The following RABGAP1L variants were observed in gnomAD, a reference collection of about 807,000 sequenced individuals.
RABGAP1L encodes the protein RAB GTPase activating protein 1 like.
Under a neutral mutation model 137.7 loss-of-function variants are expected in RABGAP1L, and 63 were observed. The observed-to-expected ratio is 0.46, with a 90% CI of 0.37 to 0.56. The LOEUF is 0.56. RABGAP1L is among the 20% of genes least tolerant of loss of function. RABGAP1L has a pLI of 0.00. For missense variants in RABGAP1L, 1,095 were observed against 1,244.0 expected (o/e 0.88, Z 1.80); for synonymous variants, 431 against 433.7 (o/e 0.99, Z 0.08).
intron 6 of RABGAP1L, among the ~76,000 whole-genome samples, chr1:174,250,881 A>G (rs1337327181): frequency 6.6e-6 from 1 of 152,046 alleles, no homozygotes; most frequent in African/African-American, 2.4e-5. Context: ...ACTCACTGCC[A>G]TCTCTGCCTC....
intron 13 of RABGAP1L, among the ~76,000 whole-genome samples, chr1:174,416,381 C>G (rs1438148273): frequency 6.6e-6 from 1 of 151,998 alleles, no homozygotes; most frequent in Non-Finnish European, 1.5e-5. Flanking sequence ...CATTCTTTAA[C>G]TGCTTATGTC....
In RABGAP1L at chr1:174,587,210, T is replaced by C. The variant is rs539086217; in HGVS notation, c.1711-50165T>C. Among the ~76,000 whole-genome samples the C allele has an allele frequency of 9.4e-3, 1,380 of 146,562 alleles. 19 individuals are homozygous for C. Among genetic ancestry groups the C allele is most frequent in the African/African-American group, 0.033 (1,306 of 39,644 alleles). ...TGTGAATAATGCCGCAATAAACATATGTGTGCATGTGTCTTTATAGCAGCA... is the reference window on the plus strand; with the variant it reads ...TGTGAATAATGCCGCAATAAACATACGTGTGCATGTGTCTTTATAGCAGCA... On this transcript the variant is annotated intron_variant, in intron 13 of 25. Coordinates refer to ENST00000681986, the MANE Select transcript of RABGAP1L (RefSeq NM_001366446.1).
rs1685247222 is a variant in RABGAP1L at position 174,761,800 on chromosome 1, A to G, written c.2211+9446A>G. On this transcript the variant is annotated intron_variant, in intron 18 of 25. Coordinates refer to ENST00000681986, the MANE Select transcript of RABGAP1L (RefSeq NM_001366446.1). This position sits in a 1 kb window ranked among gnomAD's most constrained non-coding sequence, Gnocchi z 4.0. ...AATTACATTCCACCAAGTTCCTCCC[A>G]CAACACATGGGAATTGTGGGAGTTA... 6.6e-6 allele frequency among the ~76,000 whole-genome samples: 1 copy of G among 152,210 alleles called. No homozygotes were observed. The highest frequency in any genetic ancestry group is 6.5e-5 in the Admixed American group (1 of 15,284).
chr1:174,840,793 G>A (rs1435441420), intron 19 of RABGAP1L, among the ~76,000 whole-genome samples: 1 of 146,904 alleles, frequency 6.8e-6, no homozygotes, highest in Non-Finnish European at 1.5e-5. Flanking sequence ...TCCAGCCTGG[G>A]TGACAGAGTG....
At position 174,984,764 on chromosome 1, in the gene RABGAP1L, A is replaced by G. The variant is rs192618979; in HGVS notation, c.2805+1859A>G. On this transcript the variant is annotated intron_variant, in intron 24 of 25. Coordinates refer to ENST00000681986, the MANE Select transcript of RABGAP1L (RefSeq NM_001366446.1). ...CTCAAAAAAACAAAAAACAAACAAAAAAAGTGCTAAGTTGGATCACAATGA... is the reference window on the plus strand; with the variant it reads ...CTCAAAAAAACAAAAAACAAACAAAGAAAGTGCTAAGTTGGATCACAATGA... Among the ~76,000 whole-genome samples, 98 of 152,274 alleles carry G rather than the reference A, an allele frequency of 6.4e-4. 1 individual carries two copies. The highest frequency in any genetic ancestry group is 1.1e-3 in the Admixed American group (17 of 15,296).
At position 174,981,376 on chromosome 1, in the gene RABGAP1L, G is replaced by C. The variant is rs186896815; in HGVS notation, c.2734-1458G>C. ...ATGGTTCCTCAGGCTTGGATCTGGA[G>C]AAATTGGAATGAAACTCAACAAACT... On this transcript the variant is annotated intron_variant, in intron 23 of 25. Coordinates refer to ENST00000681986, the MANE Select transcript of RABGAP1L (RefSeq NM_001366446.1). Among the ~76,000 whole-genome samples the C allele has an allele frequency of 1.1e-4, 16 of 152,164 alleles. No individual in the cohort carries two copies. The East Asian group carries it at 2.7e-3, about 26-fold the overall frequency.
chr1:174,557,483 T>G (rs1209072510), intron 13 of RABGAP1L, among the ~76,000 whole-genome samples: 1 of 152,226 alleles, frequency 6.6e-6, no homozygotes, highest in Non-Finnish European at 1.5e-5. Context: ...CTACTTCTAC[T>G]ACTTTGGGGA....
At chr1:174,556,218 G>C (rs182310818) in intron 13 of RABGAP1L, among the ~76,000 whole-genome samples, 4 of 151,854 alleles carry the variant, frequency 2.6e-5, no homozygotes, top group South Asian at 2.1e-4. Context: ...GGTTGTTCTC[G>C]AACTCCTGAC....
chr1:174,529,003 T>G (rs1448546376), intron 13 of RABGAP1L, among the ~76,000 whole-genome samples: 4 of 151,652 alleles, frequency 2.6e-5, no homozygotes, highest in Admixed American at 6.6e-5. Flanking sequence ...CTTTTTTTTT[T>G]TAATGATATC....
intron 20 of RABGAP1L, among the ~76,000 whole-genome samples, chr1:174,967,112 C>A (rs1381711517): frequency 2.7e-5 from 4 of 150,820 alleles, no homozygotes; most frequent in African/African-American, 7.3e-5. Flanking sequence ...GGGTTTTTTT[C>A]CCCCCTACAA....
At chr1:174,297,059 A>G (rs926928492) in intron 10 of RABGAP1L, among the ~76,000 whole-genome samples, 4 of 152,252 alleles carry the variant, frequency 2.6e-5, no homozygotes, top group Admixed American at 2.6e-4. Flanking sequence ...CACCAGGCAC[A>G]TTTAGGTGCT....
chr1:174,630,007 T>A (rs1400883867), intron 13 of RABGAP1L, among the ~76,000 whole-genome samples: 1 of 151,694 alleles, frequency 6.6e-6, no homozygotes, highest in Non-Finnish European at 1.5e-5. Context: ...TTTTGCCCAT[T>A]CAGTATGATA....
intron 13 of RABGAP1L, among the ~76,000 whole-genome samples, chr1:174,452,137 T>A (rs1655519755): frequency 6.6e-6 from 1 of 152,222 alleles, no homozygotes; most frequent in Admixed American, 6.5e-5. Context: ...TAATGTGTTT[T>A]AAGAATAGGA....
intron 19 of RABGAP1L, among the ~76,000 whole-genome samples, chr1:174,864,605 TG>T (rs1463758340): frequency 6.6e-6 from 1 of 152,096 alleles, no homozygotes; most frequent in Non-Finnish European, 1.5e-5. Flanking sequence ...AAGAACAGCA[TG>T]GGGGAACCAC....
At chr1:174,197,581 CTT>C (rs907659636) in intron 1 of RABGAP1L, among the ~76,000 whole-genome samples, 19 of 152,086 alleles carry the variant, frequency 1.2e-4, no homozygotes, top group African/African-American at 4.6e-4. Context: ...CGTCTGATCT[CTT>C]GTTTTTAAAA....
chr1:174,804,345 A>C (rs1178063060), intron 18 of RABGAP1L, among the ~76,000 whole-genome samples: 1 of 145,412 alleles, frequency 6.9e-6, no homozygotes, highest in Non-Finnish European at 1.5e-5. Context: ...ATTTTGGCTC[A>C]CTGCAACCTC....
intron 19 of RABGAP1L, among the ~76,000 whole-genome samples, chr1:174,932,291 T>C (rs2149263127): frequency 6.6e-6 from 1 of 151,972 alleles, no homozygotes; most frequent in South Asian, 2.1e-4. Flanking sequence ...AGCCTGATGC[T>C]GTGTTTAACT....
At position 174,842,910 on chromosome 1, in the gene RABGAP1L, T is replaced by C. The variant is rs141909271; in HGVS notation, c.2340+30950T>C. Among the ~76,000 whole-genome samples, 654 of 152,310 alleles carry C rather than the reference T, an allele frequency of 4.3e-3. 5 individuals carry two copies. The highest frequency in any genetic ancestry group is 0.015 in the African/African-American group (613 of 41,582). The stretch of plus-strand genomic sequence containing the variant: ...TATTTCCATGTTAAATCCAGAGAAA[T>C]GTTACTTTTTCGAAAGTTTCTACTG... On this transcript the variant is annotated intron_variant, in intron 19 of 25. Transcript: ENST00000681986.
intron 19 of RABGAP1L, among the ~76,000 whole-genome samples, chr1:174,944,501 G>A (rs1666425040): frequency 6.6e-6 from 1 of 151,780 alleles, no homozygotes; most frequent in African/African-American, 2.4e-5. Context: ...GCCAGGCTTG[G>A]TGACTTACAC....
Sources: allele counts gnomAD v4.1 joint callset (sites outside exome capture counted in the v4.1 genomes callset), GRCh38; gene constraint gnomAD v4.1.1; non-coding constraint Gnocchi (gnomAD v3.1); transcripts MANE v1.5; gene names NCBI Gene and HGNC (gene_info 2026-07-23, HGNC 2026-07-21).